PDE8A: variants seen among roughly 807,000 people sequenced by gnomAD.
PDE8A encodes the protein phosphodiesterase 8A, also known as high affinity cAMP-specific and IBMX-insensitive 3',5'-cyclic phosphodiesterase 8A.
In PDE8A, 59 loss-of-function variants were observed where a neutral mutation model predicts 105.0. That is an observed-to-expected ratio of 0.56 (90% CI 0.46 to 0.70). PDE8A has a LOEUF of 0.70. PDE8A is among the 30% of genes least tolerant of loss of function. The probability of loss-of-function intolerance (pLI) is 0.00; values close to 1 mark genes in which losing one functional copy is unlikely to be tolerated. For synonymous variants in PDE8A, 355 were observed against 371.9 expected (o/e 0.95, Z 0.52); for missense variants, 1,014 against 1,045.9 (o/e 0.97, Z 0.42).
In PDE8A at chr15:84,982,207, C is replaced by T. The variant is rs749839529; in HGVS notation, c.45C>T (p.Ala15=). 6.1e-6 allele frequency: 9 copies of T among 1,484,394 alleles called. No homozygotes were observed. The highest frequency in any genetic ancestry group is 6.2e-6 in the Non-Finnish European group (7 of 1,126,716). 92.0% of individuals were successfully genotyped at this position (1,484,394 alleles called of 1,614,324 possible). A position where few individuals can be genotyped will look rare whatever the true frequency, so the allele number is the denominator to read the frequency against. ...TCCACATTTCCGAGCGCCTGGTGGC[C>T]GAGGACGCGCCTAGCCCCGCGGCAC... ...PSIHISERLV[A]EDAPSPAAPP... Residue 15 remains alanine, a synonymous_variant, in exon 1 of 22, where the codon GCC becomes GCT. Transcript: ENST00000394553.
At chr15:85,132,117 T>C (rs1391902970) in intron 20 of PDE8A, among the ~76,000 whole-genome samples, 1 of 152,182 alleles carries the variant, frequency 6.6e-6, no homozygotes, top group Non-Finnish European at 1.5e-5. Context: ...ATTCATATCT[T>C]TCCCCAGATT....
At chr15:85,055,016 T>C (rs2081037952) in intron 1 of PDE8A, among the ~76,000 whole-genome samples, 1 of 152,234 alleles carries the variant, frequency 6.6e-6, no homozygotes, top group Non-Finnish European at 1.5e-5. Context: ...GTTGTGTCTT[T>C]GTTCTCGTTG....
At chr15:85,016,783 A>G (rs1258063611) in intron 1 of PDE8A, among the ~76,000 whole-genome samples, 1 of 152,212 alleles carries the variant, frequency 6.6e-6, no homozygotes, top group African/African-American at 2.4e-5. Context: ...CTTCTTATAC[A>G]AGAACATGGT....
chr15:85,074,503 C>G (rs2081355142), intron 3 of PDE8A, among the ~76,000 whole-genome samples: 1 of 152,150 alleles, frequency 6.6e-6, no homozygotes, highest in African/African-American at 2.4e-5. Flanking sequence ...GAGTTTGAGA[C>G]CAGCCTGGGC....
In PDE8A at chr15:85,138,040, G is replaced by T; in HGVS notation, c.*137G>T. On this transcript the variant is annotated 3_prime_UTR_variant, in exon 22 of 22. Coordinates refer to ENST00000394553, the MANE Select transcript of PDE8A (RefSeq NM_002605.3). ...TGCATAGCCTGTGAAAGCCCACGGG[G>T]ACATCAGTAACCTTCTGCAGCCACC... The T allele has an allele frequency of 3.4e-6, 2 of 592,008 alleles. No homozygotes were observed. Among genetic ancestry groups the T allele is most frequent in the South Asian group, 4.3e-5 (2 of 46,252 alleles). 36.7% of individuals were successfully genotyped at this position (592,008 alleles called of 1,614,324 possible).
intron 20 of PDE8A, among the ~76,000 whole-genome samples, chr15:85,130,467 T>G (rs1391766101): frequency 6.6e-6 from 1 of 152,190 alleles, no homozygotes; most frequent in African/African-American, 2.4e-5. Flanking sequence ...AAATATATAC[T>G]GTTTGTTTTG....
chr15:85,134,998 TG>T (rs1199738025), intron 20 of PDE8A, among the ~76,000 whole-genome samples: 2 of 152,030 alleles, frequency 1.3e-5, no homozygotes, highest in East Asian at 3.9e-4. Flanking sequence ...AGAGCTGCGG[TG>T]GGGGGAGAGA....
At chr15:85,110,626 C>A (rs922057979) in intron 12 of PDE8A, among the ~76,000 whole-genome samples, 1 of 152,134 alleles carries the variant, frequency 6.6e-6, no homozygotes, top group Admixed American at 6.5e-5. Flanking sequence ...TGTCATAGTT[C>A]CTTCCTTATT....
chr15:85,019,516 G>A lies in PDE8A; in HGVS notation c.186+37168G>A, dbSNP rs559263892. Among the ~76,000 whole-genome samples the A allele has an allele frequency of 1.9e-4, 29 of 152,156 alleles. 2 individuals are homozygous for A. The South Asian group carries it at 3.9e-3, about 21-fold the overall frequency. ...CGATCCACGTATGTCAGCCCCTACCGAATAGCTGGCATTACAGGAGCACTG... is the reference window on the plus strand; with the variant it reads ...CGATCCACGTATGTCAGCCCCTACCAAATAGCTGGCATTACAGGAGCACTG... On this transcript the variant is annotated intron_variant, in intron 1 of 21. Coordinates refer to ENST00000394553, the MANE Select transcript of PDE8A (RefSeq NM_002605.3).
intron 1 of PDE8A, among the ~76,000 whole-genome samples, chr15:85,047,301 T>G (rs1354923014): frequency 6.6e-6 from 1 of 152,218 alleles, no homozygotes; most frequent in Non-Finnish European, 1.5e-5. Flanking sequence ...AGTCCTCTTT[T>G]CTAGAGCAGT....
Position 85,116,019 on chromosome 15 carries a change from A to G in PDE8A, c.1435A>G (p.Ile479Val), listed in dbSNP as rs755746580. Residue 479 changes from isoleucine to valine, a missense_variant, in exon 16 of 22, where the codon ATC (isoleucine) becomes GTC (valine). Physicochemically the swap from Ile to Val is conservative, Grantham distance 29. Transcript: ENST00000394553. ...GGTTTCAAGCAATATAATCACTCCC[A>G]TCTCCCTTGATGATGTCCCACCACG... ...QMVSSNIITP[I>V]SLDDVPPRIA... 28 of 1,613,054 alleles carry G rather than the reference A, an allele frequency of 1.7e-5. No individual in the cohort carries two copies. Among genetic ancestry groups the G allele is most frequent in the Middle Eastern group, 1.6e-4 (1 of 6,082 alleles).
intron 1 of PDE8A, among the ~76,000 whole-genome samples, chr15:84,996,658 C>G (rs1429623571): frequency 6.6e-6 from 1 of 151,668 alleles, no homozygotes; most frequent in African/African-American, 2.4e-5. Flanking sequence ...GACCCCATTT[C>G]TACTTAAAAA....
At chr15:85,126,489 G>C (rs2082261032) in intron 20 of PDE8A, 115 bp downstream of exon 20, 3 of 729,938 alleles carry the variant, frequency 4.1e-6, no homozygotes, top group Middle Eastern at 3.2e-4. Context: ...TTCTGTCCTT[G>C]TTTTGCAAGG....
In PDE8A at chr15:85,100,207, C is replaced by T; in HGVS notation, c.1036+9C>T. On this transcript the variant is annotated intron_variant, in intron 11 of 21. Transcript: ENST00000394553. ...GTCTGACACTCATACAGGTACGGTG[C>T]CCCGTATTTATTCTTAGAGTTCATT... The T allele has an allele frequency of 6.2e-7, 1 of 1,606,962 alleles. No individual in the cohort carries two copies. Among genetic ancestry groups the T allele is most frequent in the South Asian group, 1.1e-5 (1 of 90,452 alleles).
chr15:85,018,902 A>G (rs2080373199), intron 1 of PDE8A, among the ~76,000 whole-genome samples: 1 of 152,158 alleles, frequency 6.6e-6, no homozygotes, highest in African/African-American at 2.4e-5. Context: ...TGTAAGTACC[A>G]TTTACATTAA....
chr15:85,102,839 CAA>C (rs35165347), intron 11 of PDE8A, among the ~76,000 whole-genome samples: 31 of 111,192 alleles, frequency 2.8e-4, no homozygotes, highest in Admixed American at 6.9e-4. Flanking sequence ...AACTCCATCT[CAA>C]AAAAAAAAAA....
intron 1 of PDE8A, among the ~76,000 whole-genome samples, chr15:85,022,990 G>A (rs1384246064): frequency 6.6e-6 from 1 of 152,212 alleles, no homozygotes; most frequent in African/African-American, 2.4e-5. Context: ...TGTTAAGGGA[G>A]TTTCCCTGAA....
intron 5 of PDE8A, among the ~76,000 whole-genome samples, chr15:85,077,626 C>T (rs1391916134): frequency 6.6e-6 from 1 of 152,126 alleles, no homozygotes; most frequent in Non-Finnish European, 1.5e-5. Context: ...GGAGTCAATC[C>T]ACCAGGTGAC....
intron 7 of PDE8A, among the ~76,000 whole-genome samples, chr15:85,090,543 G>A (rs185900254): frequency 3.9e-4 from 60 of 152,006 alleles, no homozygotes; most frequent in Non-Finnish European, 7.2e-4. Flanking sequence ...TCATTTATTC[G>A]AACCATATGA....
Sources: allele counts gnomAD v4.1 joint callset (sites outside exome capture counted in the v4.1 genomes callset), GRCh38; gene constraint gnomAD v4.1.1; transcripts MANE v1.5; gene names NCBI Gene and HGNC (gene_info 2026-07-23, HGNC 2026-07-21).